Variants in DLGAP2 observed in about 807,000 individuals in gnomAD.
The protein encoded by DLGAP2 is disks large-associated protein 2.
A neutral mutation model predicts 100.3 loss-of-function variants in DLGAP2; 26 were observed. That is an observed-to-expected ratio of 0.26 (90% CI 0.19 to 0.36). The LOEUF (loss-of-function observed/expected upper bound fraction) is 0.36. DLGAP2 is among the 10% of genes least tolerant of loss of function. The pLI is 1.00. For missense variants in DLGAP2, 1,858 were observed against 1,453.2 expected (o/e 1.28, Z -4.53); for synonymous variants, 886 against 630.1 (o/e 1.41, Z -6.08).
intron 3 of DLGAP2, among the ~76,000 whole-genome samples, chr8:1,453,450 A>G (rs140466202): frequency 6.6e-6 from 1 of 152,306 alleles, no homozygotes; most frequent in East Asian, 1.9e-4. Context: ...ATTATTCCAT[A>G]CCTAACAGAG....
intron 2 of DLGAP2, among the ~76,000 whole-genome samples, chr8:1,243,510 G>T (rs1798842131): frequency 6.6e-6 from 1 of 152,154 alleles, no homozygotes; most frequent in South Asian, 2.1e-4. Flanking sequence ...TTTATGTTCT[G>T]TTGTCATTTC....
At chr8:1,075,329 G>A (rs1803572623) in intron 2 of DLGAP2, among the ~76,000 whole-genome samples, 1 of 152,136 alleles carries the variant, frequency 6.6e-6, no homozygotes, top group African/African-American at 2.4e-5. Flanking sequence ...TGCGGATTGA[G>A]GCGTGCATTG....
At chr8:741,947 C>T (rs1820497901) in intron 1 of DLGAP2, among the ~76,000 whole-genome samples, 1 of 152,236 alleles carries the variant, frequency 6.6e-6, no homozygotes, top group Non-Finnish European at 1.5e-5. Context: ...CTGGAAATGA[C>T]ACCTTCCTCA....
chr8:758,967 A>C (rs113053927), intron 1 of DLGAP2, among the ~76,000 whole-genome samples: 11,227 of 58,426 alleles, frequency 0.19, 7 homozygotes, highest in African/African-American at 0.27. Flanking sequence ...ATTATCAATA[A>C]CCCCCACAAC....
At chr8:1,173,583 A>C (rs1797179925) in intron 2 of DLGAP2, among the ~76,000 whole-genome samples, 1 of 152,152 alleles carries the variant, frequency 6.6e-6, no homozygotes, top group African/African-American at 2.4e-5. Flanking sequence ...AAGCCTGGGC[A>C]ATGGTGGGCG....
chr8:1,625,850 T>G (rs989813176), intron 6 of DLGAP2, among the ~76,000 whole-genome samples: 6 of 152,250 alleles, frequency 3.9e-5, no homozygotes, highest in African/African-American at 1.2e-4. Flanking sequence ...TTCATAAATA[T>G]GAATCTCAGA....
intron 3 of DLGAP2, among the ~76,000 whole-genome samples, chr8:1,281,655 G>C (rs1472993748): frequency 3.3e-5 from 5 of 152,162 alleles, no homozygotes; most frequent in Non-Finnish European, 5.9e-5. Context: ...CAAGAGTACA[G>C]CACCAGTGTT....
chr8:1,543,801 A>G (rs1394818862), intron 4 of DLGAP2, among the ~76,000 whole-genome samples: 1 of 152,216 alleles, frequency 6.6e-6, no homozygotes, highest in Non-Finnish European at 1.5e-5. Context: ...AAGTCTGCCA[A>G]TCTATGAACA....
At chr8:1,001,716 C>G (rs1210021894) in intron 2 of DLGAP2, among the ~76,000 whole-genome samples, 2 of 152,202 alleles carry the variant, frequency 1.3e-5, no homozygotes, top group Non-Finnish European at 2.9e-5. Context: ...AGCCATTTAT[C>G]TTTTTCTCTA....
chr8:995,969 G>A (rs946314507), intron 2 of DLGAP2, among the ~76,000 whole-genome samples: 3 of 152,238 alleles, frequency 2.0e-5, no homozygotes, highest in African/African-American at 7.2e-5. Flanking sequence ...ATAGGCTCCT[G>A]GCACCTGAAC....
chr8:1,409,705 A>G (rs1216604481), intron 3 of DLGAP2, among the ~76,000 whole-genome samples: 3 of 152,130 alleles, frequency 2.0e-5, no homozygotes, highest in Admixed American at 6.5e-5. Context: ...ACCCCAGTGC[A>G]GGTGGGCCTC....
intron 1 of DLGAP2, among the ~76,000 whole-genome samples, chr8:745,365 A>G (rs909857827): frequency 2.0e-5 from 3 of 152,212 alleles, no homozygotes; most frequent in African/African-American, 7.2e-5. Context: ...TGGGTCTGAA[A>G]CAAAATGTTC....
rs1175839207 is a variant in DLGAP2 at position 1,305,283 on chromosome 8, TC to T, written c.106+46402del. On this transcript the variant is annotated intron_variant, in intron 3 of 14. Coordinates refer to ENST00000637795, the MANE Select transcript of DLGAP2 (RefSeq NM_001346810.2). ...ACAGCATATGTGAGGTGCCTGGTCTTCCGCAGTTCTCTGTCTTCAGTGGCTG... is the reference window on the plus strand; with the variant it reads ...ACAGCATATGTGAGGTGCCTGGTCTTCGCAGTTCTCTGTCTTCAGTGGCTG... 2.6e-4 allele frequency among the ~76,000 whole-genome samples: 40 copies of T among 152,336 alleles called. No homozygotes were observed. The Middle Eastern group carries it at 0.01, about 39-fold the overall frequency.
chr8:1,068,129 G>A (rs568710298), intron 2 of DLGAP2, among the ~76,000 whole-genome samples: 8 of 152,236 alleles, frequency 5.3e-5, no homozygotes, highest in South Asian at 2.1e-4. Context: ...TCTTTTCCTG[G>A]CTTAGCTGCT....
chr8:981,384 A>G (rs562478583), intron 2 of DLGAP2, among the ~76,000 whole-genome samples: 2 of 152,110 alleles, frequency 1.3e-5, no homozygotes, highest in African/African-American at 2.4e-5. Flanking sequence ...TAAGGCAACA[A>G]CGACACTGGT....
intron 2 of DLGAP2, among the ~76,000 whole-genome samples, chr8:960,171 A>G (rs1425865295): frequency 6.8e-6 from 1 of 147,722 alleles, no homozygotes; most frequent in Admixed American, 6.7e-5. Flanking sequence ...ACATGCTGTT[A>G]GAAGTGCATA....
intron 3 of DLGAP2, among the ~76,000 whole-genome samples, chr8:1,489,558 G>C (rs1380130167): frequency 1.3e-5 from 2 of 152,174 alleles, no homozygotes; most frequent in Non-Finnish European, 2.9e-5. Flanking sequence ...AAAGACTGTT[G>C]GATGCCAAGT....
chr8:1,268,618 C>G (rs1352047927), intron 3 of DLGAP2, among the ~76,000 whole-genome samples: 1 of 152,176 alleles, frequency 6.6e-6, no homozygotes, highest in East Asian at 1.9e-4. Context: ...AGTCAAGTAT[C>G]CTTAAGAGAA....
intron 5 of DLGAP2, among the ~76,000 whole-genome samples, chr8:1,555,733 C>G (rs1003376395): frequency 6.6e-6 from 1 of 152,250 alleles, no homozygotes; most frequent in Non-Finnish European, 1.5e-5. Context: ...GATCGCTGGG[C>G]TGTGTCACAT....
Sources: gnomAD v4.1 joint callset for allele counts (sites outside exome capture counted in the v4.1 genomes callset) on GRCh38, gnomAD v4.1.1 for gene constraint, MANE v1.5 for transcripts, NCBI Gene and HGNC (gene_info 2026-07-23, HGNC 2026-07-21) for gene names.